Variants in SLC15A1 observed in about 807,000 individuals in gnomAD.
The protein encoded by SLC15A1 is Caco-2 oligopeptide transporter.
Under a neutral mutation model 92.9 loss-of-function variants are expected in SLC15A1, and 83 were observed. The observed-to-expected ratio is 0.89, with a 90% CI of 0.75 to 1.07. SLC15A1 has a LOEUF of 1.07. Among genes scored for constraint, SLC15A1 ranks in the 50% least tolerant of loss-of-function variants. The pLI is 0.00. For missense variants in SLC15A1, 857 were observed against 880.1 expected (o/e 0.97, Z 0.33); for synonymous variants, 322 against 318.2 (o/e 1.01, Z -0.13).
intron 1 of SLC15A1, among the ~76,000 whole-genome samples, chr13:98,748,786 CA>C (rs1177378433): frequency 6.6e-6 from 1 of 152,100 alleles, no homozygotes; most frequent in Admixed American, 6.5e-5. Context: ...AAAAAGAACC[CA>C]GGGGATCTTT....
intron 21 of SLC15A1, 24 bp from the exon 22 acceptor site, chr13:98,686,321 T>A: frequency 1.3e-6 from 2 of 1,519,036 alleles, no homozygotes; most frequent in Non-Finnish European, 1.8e-6. Flanking sequence ...GCAAAGTGAG[T>A]CCTGCTCCAG....
In SLC15A1 at chr13:98,688,388, T is replaced by C. The variant is rs375607517; in HGVS notation, c.1575-32A>G. The C allele has an allele frequency of 3.7e-6, 6 of 1,605,574 alleles. No individual in the cohort carries two copies. The African/African-American group carries it at 6.7e-5, about 18-fold the overall frequency. ...AAATAAAGAATAATATTGGTTAACA[T>C]TCTTGGCATTAAAAATTTCAATGCA... On this transcript the variant is annotated intron_variant, in intron 19 of 22. Coordinates refer to ENST00000376503, the MANE Select transcript of SLC15A1 (RefSeq NM_005073.4).
At position 98,752,556 on chromosome 13, in the gene SLC15A1, A is replaced by T. The variant is rs1594016625; in HGVS notation, c.4+39T>A. 3.1e-6 allele frequency: 4 copies of T among 1,274,956 alleles called. No individual in the cohort carries two copies. In the East Asian group the frequency reaches 9.4e-5, roughly 30 times the overall value. 79.0% of individuals were successfully genotyped at this position (1,274,956 alleles called of 1,614,324 possible). On this transcript the variant is annotated intron_variant, in intron 1 of 22. Coordinates refer to ENST00000376503, the MANE Select transcript of SLC15A1 (RefSeq NM_005073.4). Reference sequence around the variant, plus strand: ...CCGGCCCCCGCCCCGCGTAGCTCCGAGTCTTTAGCCCGGCCGGCCCCCCAC... The same window carrying T: ...CCGGCCCCCGCCCCGCGTAGCTCCGTGTCTTTAGCCCGGCCGGCCCCCCAC...
intron 1 of SLC15A1, among the ~76,000 whole-genome samples, chr13:98,727,288 T>C (rs2088310479): frequency 1.3e-5 from 2 of 152,260 alleles, no homozygotes; most frequent in Non-Finnish European, 2.9e-5. Context: ...CGCCACCTCC[T>C]ATGGCTTGGG....
chr13:98,708,229 A>G (rs1255277138), intron 15 of SLC15A1, among the ~76,000 whole-genome samples: 1 of 152,184 alleles, frequency 6.6e-6, no homozygotes, highest in Non-Finnish European at 1.5e-5. Flanking sequence ...TCAGACTACC[A>G]GCATTAGTCT....
intron 11 of SLC15A1, among the ~76,000 whole-genome samples, chr13:98,711,289 G>A (rs914702267): frequency 3.3e-5 from 5 of 152,172 alleles, no homozygotes; most frequent in African/African-American, 1.2e-4. Context: ...CATGCACTGA[G>A]TTGTCTAACA....
At chr13:98,700,232 A>G (rs2088055793) in intron 18 of SLC15A1, among the ~76,000 whole-genome samples, 2 of 152,100 alleles carry the variant, frequency 1.3e-5, no homozygotes, top group Non-Finnish European at 2.9e-5. Context: ...CATGCCTGTA[A>G]TCCCAGCAAT....
At chr13:98,744,947 CTTAT>C (rs2088481161) in intron 1 of SLC15A1, among the ~76,000 whole-genome samples, 1 of 151,968 alleles carries the variant, frequency 6.6e-6, no homozygotes, top group South Asian at 2.1e-4. Flanking sequence ...TGTCAGGTGA[CTTAT>C]TTTTTTCAGT....
At chr13:98,700,688 A>G (rs767040702) in intron 18 of SLC15A1, among the ~76,000 whole-genome samples, 4 of 152,136 alleles carry the variant, frequency 2.6e-5, no homozygotes, top group Non-Finnish European at 4.4e-5. Flanking sequence ...GAGTTTTCAT[A>G]TAAGATGTGT....
At position 98,706,048 on chromosome 13, in the gene SLC15A1, C is replaced by T. The variant is rs9584916; in HGVS notation, c.1269+86G>A. On this transcript the variant is annotated intron_variant, in intron 16 of 22. Coordinates refer to ENST00000376503, the MANE Select transcript of SLC15A1 (RefSeq NM_005073.4). The stretch of plus-strand genomic sequence containing the variant: ...TTCTGGGCTGGCCTTGGCATTTATA[C>T]AAGGACCAAGAAAAACAGCTTCTCT... 8,747 of 1,470,168 alleles carry T rather than the reference C, an allele frequency of 5.9e-3. 211 individuals are homozygous for T. In the African/African-American group the frequency reaches 0.077, roughly 13 times the overall value. 91.1% of individuals were successfully genotyped at this position (1,470,168 alleles called of 1,614,324 possible).
intron 8 of SLC15A1, among the ~76,000 whole-genome samples, chr13:98,716,387 C>T (rs1303348268): frequency 3.9e-5 from 6 of 152,094 alleles, no homozygotes; most frequent in Admixed American, 1.3e-4. Context: ...TTTGAGAGGC[C>T]GAGGTGGGCG....
chr13:98,696,070 T>C (rs562514235), intron 18 of SLC15A1, among the ~76,000 whole-genome samples: 1 of 151,824 alleles, frequency 6.6e-6, no homozygotes, highest in Admixed American at 6.6e-5. Flanking sequence ...GTTGCTAATC[T>C]CGTGGGTCTG....
intron 5 of SLC15A1, among the ~76,000 whole-genome samples, chr13:98,722,235 T>C (rs539013978): frequency 2.6e-5 from 4 of 152,322 alleles, no homozygotes; most frequent in African/African-American, 9.6e-5. Flanking sequence ...ATTGAACAAA[T>C]ATAAGCATTG....
intron 9 of SLC15A1, among the ~76,000 whole-genome samples, chr13:98,714,069 A>G (rs2088191707): frequency 6.6e-6 from 1 of 151,632 alleles, no homozygotes; most frequent in Non-Finnish European, 1.5e-5. Context: ...GAAAAAAAAA[A>G]AAAAAAGAAA....
chr13:98,705,636 A>T (rs2088106993), intron 16 of SLC15A1, among the ~76,000 whole-genome samples: 2 of 152,176 alleles, frequency 1.3e-5, no homozygotes, highest in Non-Finnish European at 2.9e-5. Context: ...TCACACCTGT[A>T]ATCCCAACAC....
Position 98,721,975 on chromosome 13 carries a change from T to C in SLC15A1, c.366-72A>G, listed in dbSNP as rs886361027. ...TAGAAGGCCTCTCTTTTCCCCAGTTTCCCTCAGTGGGCCTGGCATAGTGAC... is the reference window on the plus strand; with the variant it reads ...TAGAAGGCCTCTCTTTTCCCCAGTTCCCCTCAGTGGGCCTGGCATAGTGAC... On this transcript the variant is annotated intron_variant, in intron 5 of 22. Transcript: ENST00000376503. 16 of 1,274,132 alleles carry C rather than the reference T, an allele frequency of 1.3e-5. No homozygotes were observed. In the African/African-American group the frequency reaches 1.6e-4, roughly 13 times the overall value. 78.9% of individuals were successfully genotyped at this position (1,274,132 alleles called of 1,614,324 possible).
chr13:98,712,604 T>C lies in SLC15A1; in HGVS notation c.724-20A>G, dbSNP rs1322259119. ...GGCAAACTGAAGGAAGGAAGAAAAA[T>C]CGAATTTCAAAACAGGACCAACAAC... On this transcript the variant is annotated intron_variant, in intron 9 of 22. Transcript: ENST00000376503. 2 of 1,582,502 alleles carry C rather than the reference T, an allele frequency of 1.3e-6. No homozygotes were observed. The highest frequency in any genetic ancestry group is 2.7e-5 in the African/African-American group (2 of 74,136).
At chr13:98,699,507 T>C (rs1212835049) in intron 18 of SLC15A1, among the ~76,000 whole-genome samples, 1 of 152,262 alleles carries the variant, frequency 6.6e-6, no homozygotes, top group African/African-American at 2.4e-5. Context: ...TGGGTGTTTA[T>C]GCATCCTCCA....
intron 1 of SLC15A1, among the ~76,000 whole-genome samples, chr13:98,729,588 C>T (rs2088331178): frequency 6.6e-6 from 1 of 152,194 alleles, no homozygotes; most frequent in South Asian, 2.1e-4. Context: ...AGAGCAGACA[C>T]CGAATACAGG....
Sources: allele counts gnomAD v4.1 joint callset (sites outside exome capture counted in the v4.1 genomes callset), GRCh38; gene constraint gnomAD v4.1.1; transcripts MANE v1.5; gene names NCBI Gene and HGNC (gene_info 2026-07-23, HGNC 2026-07-21).